The following HS3ST4 variants were observed in gnomAD, a reference collection of about 807,000 sequenced individuals.
HS3ST4 encodes heparan sulfate-glucosamine 3-sulfotransferase 4.
HS3ST4 carries 17 observed loss-of-function variants against 29.2 expected under a neutral mutation model. That is an observed-to-expected ratio of 0.58 (90% CI 0.40 to 0.87). HS3ST4 has a LOEUF of 0.87. Among genes scored for constraint, HS3ST4 ranks in the 40% least tolerant of loss-of-function variants. The pLI, the probability that HS3ST4 is intolerant of heterozygous loss-of-function variation, is 0.00. For missense variants in HS3ST4, 627 were observed against 634.5 expected, an observed-to-expected ratio of 0.99 and a Z score of 0.13; for synonymous variants, 314 against 285.7, an observed-to-expected ratio of 1.10 and a Z score of -1.00.
At chr16:25,801,014 G>A (rs1214029295) in intron 1 of HS3ST4, among the ~76,000 whole-genome samples, 1 of 152,108 alleles carries the variant, frequency 6.6e-6, no homozygotes, top group Non-Finnish European at 1.5e-5. Flanking sequence ...AACAGACTAA[G>A]ACAGATGGCT....
At chr16:26,074,023 T>C (rs772179312) in intron 1 of HS3ST4, among the ~76,000 whole-genome samples, 3 of 152,194 alleles carry the variant, frequency 2.0e-5, no homozygotes, top group Non-Finnish European at 4.4e-5. Flanking sequence ...CCTTGCATTA[T>C]TTTCCCAGGT....
chr16:25,944,523 G>A (rs1265892351), intron 1 of HS3ST4, among the ~76,000 whole-genome samples: 3 of 152,226 alleles, frequency 2.0e-5, no homozygotes, highest in East Asian at 3.9e-4. Context: ...ATATTGTAAT[G>A]AGCTGGGTTA....
At chr16:25,874,653 A>G (rs1407053912) in intron 1 of HS3ST4, among the ~76,000 whole-genome samples, 6 of 152,178 alleles carry the variant, frequency 3.9e-5, no homozygotes, top group Middle Eastern at 3.2e-3. Context: ...CCATCCGTCT[A>G]TCCTTCCATC....
chr16:26,007,314 A>T (rs1282913185), intron 1 of HS3ST4, among the ~76,000 whole-genome samples: 1 of 152,116 alleles, frequency 6.6e-6, no homozygotes, highest in Non-Finnish European at 1.5e-5. Flanking sequence ...GCTGTTATAA[A>T]TCCTGCTTTA....
chr16:25,855,676 C>T (rs1341037368), intron 1 of HS3ST4, among the ~76,000 whole-genome samples: 2 of 152,110 alleles, frequency 1.3e-5, no homozygotes, highest in Non-Finnish European at 1.5e-5. Flanking sequence ...CCTCCCTTCC[C>T]ATAATGTCTT....
In HS3ST4 at chr16:25,903,368, TA is replaced by T. The variant is rs1567268750; in HGVS notation, c.734+210218del. Among the ~76,000 whole-genome samples the T allele has an allele frequency of 7.8e-4, 33 of 42,268 alleles. 1 individual carries two copies. The highest frequency in any genetic ancestry group is 1.6e-3 in the African/African-American group (27 of 16,890). 27.7% of individuals were successfully genotyped at this position (42,268 alleles called of 152,430 possible). A position where few individuals can be genotyped will look rare whatever the true frequency, so the allele number is the denominator to read the frequency against. ...TATATATATGTATATGTATATCTTA[TA>T]TATATATATATATAAAATCACATAT... On this transcript the variant is annotated intron_variant, in intron 1 of 1. Transcript: ENST00000331351.
At chr16:25,806,804 T>C (rs1292711890) in intron 1 of HS3ST4, among the ~76,000 whole-genome samples, 2 of 152,090 alleles carry the variant, frequency 1.3e-5, no homozygotes. Flanking sequence ...CAGTTGTACT[T>C]GTACTCATTT....
chr16:25,921,699 C>T (rs1968355637), intron 1 of HS3ST4, among the ~76,000 whole-genome samples: 1 of 151,982 alleles, frequency 6.6e-6, no homozygotes, highest in Admixed American at 6.6e-5. Context: ...CAAACCTTAG[C>T]CTTTGCTCTC....
intron 1 of HS3ST4, among the ~76,000 whole-genome samples, chr16:26,029,536 C>T (rs1433796856): frequency 6.6e-6 from 1 of 152,110 alleles, no homozygotes; most frequent in Non-Finnish European, 1.5e-5. Flanking sequence ...CCTCAGCCTC[C>T]TGAGTAGCTG....
At chr16:25,881,881 TA>T (rs5816331) in intron 1 of HS3ST4, among the ~76,000 whole-genome samples, 31,430 of 152,086 alleles carry the variant, frequency 0.21, 4,096 homozygotes, top group Non-Finnish European at 0.31. Context: ...TTATTAAAAA[TA>T]AAAAAAGCTT....
chr16:25,901,184 C>T (rs111373552), intron 1 of HS3ST4, among the ~76,000 whole-genome samples: 1,799 of 152,200 alleles, frequency 0.012, 17 homozygotes, highest in Middle Eastern at 0.061. Flanking sequence ...TCTCCCTTGC[C>T]CCTGAGTACT....
intron 1 of HS3ST4, among the ~76,000 whole-genome samples, chr16:25,794,896 T>TACGCAC (rs113901542): frequency 1.0e-3 from 143 of 136,720 alleles, no homozygotes; most frequent in Non-Finnish European, 1.6e-3. Context: ...TACTCAAGAA[T>TACGCAC]ACACACACAC....
chr16:26,081,583 G>C (rs1372185835), intron 1 of HS3ST4, among the ~76,000 whole-genome samples: 1 of 152,002 alleles, frequency 6.6e-6, no homozygotes, highest in Non-Finnish European at 1.5e-5. Context: ...ATTCACTGTG[G>C]GGCATAAAAC....
intron 1 of HS3ST4, among the ~76,000 whole-genome samples, chr16:25,917,096 A>G (rs1483007822): frequency 6.6e-6 from 1 of 152,202 alleles, no homozygotes; most frequent in Non-Finnish European, 1.5e-5. Context: ...AAAAGAAGTA[A>G]CAATTTCTCT....
chr16:25,912,208 T>C (rs2141678637), intron 1 of HS3ST4, among the ~76,000 whole-genome samples: 1 of 152,286 alleles, frequency 6.6e-6, no homozygotes, highest in African/African-American at 2.4e-5. Flanking sequence ...TAAAACCCTC[T>C]TGGGTCTGGA....
chr16:25,992,061 T>A (rs1034873016), intron 1 of HS3ST4, among the ~76,000 whole-genome samples: 2 of 151,918 alleles, frequency 1.3e-5, no homozygotes, highest in East Asian at 3.9e-4. Flanking sequence ...AAGAAGAAAA[T>A]GGCAAGGTTT....
At chr16:25,843,099 C>A (rs1967432417) in intron 1 of HS3ST4, among the ~76,000 whole-genome samples, 1 of 152,180 alleles carries the variant, frequency 6.6e-6, no homozygotes, top group African/African-American at 2.4e-5. Flanking sequence ...TCTATTGCTG[C>A]ATATGAACCA....
Position 25,970,911 on chromosome 16 carries a change from C to T in HS3ST4, c.735-164701C>T, listed in dbSNP as rs144453171. On this transcript the variant is annotated intron_variant, in intron 1 of 1. Coordinates refer to ENST00000331351, the MANE Select transcript of HS3ST4 (RefSeq NM_006040.3). ...TGTCGCTCAGGCTGGAGTGCAATGG[C>T]GTGATCTCGGCTCACTGCAACCTCT... Among the ~76,000 whole-genome samples, 306 of 152,102 alleles carry T rather than the reference C, an allele frequency of 2.0e-3. 3 individuals carry two copies. Among genetic ancestry groups the T allele is most frequent in the African/African-American group, 7.0e-3 (292 of 41,510 alleles).
At position 25,692,533 on chromosome 16, in the gene HS3ST4, G is replaced by A; in HGVS notation, c.116G>A (p.Cys39Tyr). The A allele has an allele frequency of 1.4e-6, 2 of 1,444,620 alleles. No individual in the cohort carries two copies. 89.5% of individuals were successfully genotyped at this position (1,444,620 alleles called of 1,614,324 possible). Reference sequence around the variant, plus strand: ...CCGGCGCGCAAGCTGCTTTTTATGTGCACCTTGTCCCTGTCTGTCACCTAC... The same window carrying A: ...CCGGCGCGCAAGCTGCTTTTTATGTACACCTTGTCCCTGTCTGTCACCTAC... ...GPPARKLLFM[C>Y]TLSLSVTYLC... is the part of the protein sequence containing the mutation. Residue 39 changes from cysteine to tyrosine, a missense_variant, in exon 1 of 2, where the codon TGC becomes TAC. Cys to Tyr is a radical substitution (Grantham distance 194). Around this residue, in one of 2 missense-constraint regions of HS3ST4, gnomAD observed 402 missense variants for 340.8 expected, o/e 1.18. Coordinates refer to ENST00000331351, the MANE Select transcript of HS3ST4 (RefSeq NM_006040.3).
Sources: allele counts gnomAD v4.1 joint callset (sites outside exome capture counted in the v4.1 genomes callset), GRCh38; gene constraint gnomAD v4.1.1; regional missense constraint gnomAD v4.1.1; transcripts MANE v1.5; gene names NCBI Gene and HGNC (gene_info 2026-07-23, HGNC 2026-07-21).